Variants in COL4A2 observed in about 807,000 individuals in gnomAD.
The protein encoded by COL4A2 is collagen alpha-2(IV) chain.
A neutral mutation model predicts 200.2 loss-of-function variants in COL4A2; 99 were observed. The ratio of observed to expected loss-of-function variants is 0.49; its 90% CI spans 0.42 to 0.58. COL4A2 has a LOEUF of 0.58. COL4A2 is among the 20% of genes least tolerant of loss of function. COL4A2 has a pLI of 0.00. For synonymous variants in COL4A2, 897 were observed against 900.6 expected (o/e 1.00, Z 0.07); for missense variants, 1,950 against 2,314.1 (o/e 0.84, Z 3.23).
At position 110,512,158 on chromosome 13, in the gene COL4A2, C is replaced by G. The variant is rs1187912620; in HGVS notation, c.5106C>G (p.Ile1702Met). Reference protein sequence around the residue: ...TLKAGLIRTHISRCQVCMKNL With the variant: ...TLKAGLIRTHMSRCQVCMKNL ...AGGCCGGCCTCATCCGCACACACAT[C>G]AGCCGCTGCCAGGTGTGCATGAAGA... is the stretch of plus-strand genomic sequence containing the variant. Residue 1702 changes from isoleucine to methionine, a missense_variant, in exon 48 of 48, where the codon ATC becomes ATG. Physicochemically the swap from Ile to Met is conservative, Grantham distance 10. Coordinates refer to ENST00000360467, the MANE Select transcript of COL4A2 (RefSeq NM_001846.4). The G allele has an allele frequency of 6.2e-7, 1 of 1,613,086 alleles. No homozygotes were observed. The highest frequency in any genetic ancestry group is 1.3e-5 in the African/African-American group (1 of 74,944).
chr13:110,495,558 G>T, intron 40 of COL4A2, 91 bp downstream of exon 40: 1 of 1,507,244 alleles, frequency 6.6e-7, no homozygotes, highest in South Asian at 1.3e-5. Flanking sequence ...GGGTGGGAGA[G>T]GCTGTGCAGA....
chr13:110,323,057 C>A (rs1375358477), intron 3 of COL4A2, among the ~76,000 whole-genome samples: 1 of 152,248 alleles, frequency 6.6e-6, no homozygotes, highest in Non-Finnish European at 1.5e-5. Context: ...ACCAACCCAG[C>A]CTGGGCACTG....
intron 4 of COL4A2, among the ~76,000 whole-genome samples, chr13:110,412,796 C>T (rs773144040): frequency 2.0e-4 from 30 of 152,314 alleles, no homozygotes; most frequent in Admixed American, 5.9e-4. Flanking sequence ...CATTTTCTAG[C>T]GCGATCCCAG....
intron 4 of COL4A2, among the ~76,000 whole-genome samples, chr13:110,364,325 G>A (rs986411717): frequency 1.3e-5 from 2 of 152,170 alleles, no homozygotes; most frequent in African/African-American, 4.8e-5. Context: ...GCGCTGCAGG[G>A]GCTGTGGCAA....
chr13:110,385,443 A>G (rs111264016), intron 4 of COL4A2, among the ~76,000 whole-genome samples: 5,671 of 50,618 alleles, frequency 0.11, 769 homozygotes, highest in Middle Eastern at 0.2. Context: ...GCCTGGATAG[A>G]CCGTGGCTGC....
At chr13:110,502,411 G>A (rs1419654990) in intron 41 of COL4A2, among the ~76,000 whole-genome samples, 1 of 152,116 alleles carries the variant, frequency 6.6e-6, no homozygotes, top group Non-Finnish European at 1.5e-5. Flanking sequence ...TGCAATCTCC[G>A]CCTCCCGGGT....
intron 40 of COL4A2, among the ~76,000 whole-genome samples, chr13:110,499,427 C>G (rs1388875292): frequency 1.3e-5 from 2 of 152,200 alleles, no homozygotes; most frequent in African/African-American, 2.4e-5. Context: ...TGGGAACTCA[C>G]TATCACGAGA....
intron 3 of COL4A2, among the ~76,000 whole-genome samples, chr13:110,323,070 G>A (rs999889682): frequency 1.3e-5 from 2 of 152,226 alleles, no homozygotes; most frequent in Non-Finnish European, 2.9e-5. Flanking sequence ...GGGCACTGTT[G>A]CACAGTCTAG....
At chr13:110,471,691 C>A (rs1393069017) in intron 28 of COL4A2, among the ~76,000 whole-genome samples, 1 of 152,226 alleles carries the variant, frequency 6.6e-6, no homozygotes, top group East Asian at 1.9e-4. Flanking sequence ...ATTCCAGTTA[C>A]TCCCAGCTCC....
intron 4 of COL4A2, among the ~76,000 whole-genome samples, chr13:110,405,172 G>A (rs1879516209): frequency 6.6e-6 from 1 of 151,854 alleles, no homozygotes; most frequent in African/African-American, 2.4e-5. Flanking sequence ...GGAAGAAGAG[G>A]GTGGTACCTG....
intron 20 of COL4A2, among the ~76,000 whole-genome samples, chr13:110,452,329 A>AT (rs1202463790): frequency 1.2e-4 from 19 of 152,102 alleles, no homozygotes; most frequent in Admixed American, 1.2e-3. Flanking sequence ...CGCCCGGCTA[A>AT]TTTTTTGTAT....
rs927389346 is a variant in COL4A2, at chr13:110,308,099, G to A, written c.75G>A (p.Gly25=). The stretch of plus-strand genomic sequence containing the variant: ...TGCTGCTGGGGACAGTGACCGTGGG[G>A]TTCCTCGCCCAGAGCGTCTTGGCGG... ...RWLLLGTVTV[G]FLAQSVLAGV... Residue 25 remains glycine, a synonymous_variant, in exon 3 of 48, where the codon GGG becomes GGA. Coordinates refer to ENST00000360467, the MANE Select transcript of COL4A2 (RefSeq NM_001846.4). The A allele has an allele frequency of 6.2e-7, 1 of 1,613,866 alleles. No individual in the cohort carries two copies. The highest frequency in any genetic ancestry group is 2.2e-5 in the East Asian group (1 of 44,862).
At position 110,508,278 on chromosome 13, in the gene COL4A2, A is replaced by G; in HGVS notation, c.4881+57A>G. 1 of 1,588,168 alleles carries G rather than the reference A, an allele frequency of 6.3e-7. No homozygotes were observed. Among genetic ancestry groups the G allele is most frequent in the Non-Finnish European group, 8.6e-7 (1 of 1,163,470 alleles). On this transcript the variant is annotated intron_variant, in intron 47 of 47. Coordinates refer to ENST00000360467, the MANE Select transcript of COL4A2 (RefSeq NM_001846.4). The surrounding 1 kb of genome is among the most constrained non-coding windows in gnomAD (Gnocchi z 6.1). The stretch of plus-strand genomic sequence containing the variant: ...ACCACACCCTGCTGGGGACACAGCA[A>G]GAACAGCTGCCTTTGTGAGAAGAAT...
chr13:110,430,931 C>G, intron 10 of COL4A2: 1 of 536,762 alleles, frequency 1.9e-6, no homozygotes, highest in South Asian at 1.5e-5. Flanking sequence ...GCAAGGCAAA[C>G]CAAAGTCCCA....
chr13:110,501,452 G>T (rs1371643784), intron 40 of COL4A2, among the ~76,000 whole-genome samples: 2 of 152,118 alleles, frequency 1.3e-5, no homozygotes, highest in African/African-American at 4.8e-5. Context: ...AAAGGCTGGG[G>T]TGGGGGAGGG....
chr13:110,425,702 A>C (rs1007809480), intron 6 of COL4A2, among the ~76,000 whole-genome samples: 1 of 152,144 alleles, frequency 6.6e-6, no homozygotes, highest in Non-Finnish European at 1.5e-5. Flanking sequence ...TCACACATAT[A>C]CACAGATGTG....
intron 4 of COL4A2, among the ~76,000 whole-genome samples, chr13:110,379,198 G>C (rs952527123): frequency 3.3e-5 from 5 of 152,212 alleles, no homozygotes; most frequent in Non-Finnish European, 7.3e-5. Flanking sequence ...CTGGCATCTG[G>C]TGGGGCACAG....
rs1218045398 is a variant in COL4A2, at chr13:110,480,281, A to G, written c.2649A>G (p.Lys883=). 2 of 1,613,792 alleles carry G rather than the reference A, an allele frequency of 1.2e-6. No individual in the cohort carries two copies. Among genetic ancestry groups the G allele is most frequent in the Non-Finnish European group, 8.5e-7 (1 of 1,179,814 alleles). The change falls in exon 31 of 48, where the codon AAA becomes AAG. Residue 883 remains lysine, a synonymous_variant. Coordinates refer to ENST00000360467, the MANE Select transcript of COL4A2 (RefSeq NM_001846.4). ...DTGAPGPVGM[K]GLSGDRGDAG... Reference sequence around the variant, plus strand: ...GCGCTCCTGGCCCTGTGGGCATGAAAGGTCTCTCTGGTGACAGAGGAGATG... The same window carrying G: ...GCGCTCCTGGCCCTGTGGGCATGAAGGGTCTCTCTGGTGACAGAGGAGATG...
At chr13:110,414,746 T>G (rs149656229) in intron 4 of COL4A2, among the ~76,000 whole-genome samples, 5 of 152,236 alleles carry the variant, frequency 3.3e-5, no homozygotes, top group African/African-American at 1.2e-4. Context: ...GCTATCACTG[T>G]CTATAATCTG....
Sources: gnomAD v4.1 joint callset for allele counts (sites outside exome capture counted in the v4.1 genomes callset) on GRCh38, gnomAD v4.1.1 for gene constraint, Gnocchi (gnomAD v3.1) non-coding constraint, MANE v1.5 for transcripts, NCBI Gene and HGNC (gene_info 2026-07-23, HGNC 2026-07-21) for gene names.